The following DLGAP4 variants were observed in gnomAD, a reference collection of about 807,000 sequenced individuals.
DLGAP4 encodes DLG associated protein 4.
In DLGAP4, 18 loss-of-function variants were observed where a neutral mutation model predicts 86.9. The observed-to-expected ratio is 0.21, with a 90% CI of 0.14 to 0.31. The LOEUF (loss-of-function observed/expected upper bound fraction) is 0.31, where lower values mean the gene tolerates loss of function less well. Ranked by LOEUF, DLGAP4 falls within the 10% of genes least tolerant of loss-of-function variation. DLGAP4 has a pLI of 1.00. For synonymous variants in DLGAP4, 548 were observed against 574.3 expected (o/e 0.95, Z 0.65); for missense variants, 1,085 against 1,362.6 (o/e 0.80, Z 3.21).
At chr20:36,324,324 G>C (rs1449768997) in intron 1 of DLGAP4, among the ~76,000 whole-genome samples, 3 of 152,106 alleles carry the variant, frequency 2.0e-5, no homozygotes, top group Non-Finnish European at 4.4e-5. Flanking sequence ...CTACTAGGGA[G>C]GCAGAGGCAG....
chr20:36,330,557 GA>G (rs1600403714), intron 1 of DLGAP4, among the ~76,000 whole-genome samples: 2 of 115,240 alleles, frequency 1.7e-5, no homozygotes, highest in Non-Finnish European at 1.6e-5. Flanking sequence ...TGACTTTTGG[GA>G]TTTTTTTTTT....
At chr20:36,481,870 T>C (rs566346995) in intron 7 of DLGAP4, among the ~76,000 whole-genome samples, 1 of 152,326 alleles carries the variant, frequency 6.6e-6, no homozygotes, top group Admixed American at 6.5e-5. Context: ...CAGTGCATCC[T>C]CAGTGTCTGT....
chr20:36,458,102 AG>A (rs2033927589), intron 7 of DLGAP4, among the ~76,000 whole-genome samples: 1 of 150,634 alleles, frequency 6.6e-6, no homozygotes, highest in Admixed American at 6.6e-5. Flanking sequence ...CAGGGAGGGG[AG>A]GGTTGGGTCT....
chr20:36,520,510 C>A (rs754346811), intron 10 of DLGAP4, among the ~76,000 whole-genome samples: 6 of 152,004 alleles, frequency 3.9e-5, no homozygotes, highest in Non-Finnish European at 7.4e-5. Flanking sequence ...ACCAGCCTAG[C>A]TAATTTTTGT....
In DLGAP4 at chr20:36,308,959, C is replaced by A. The variant is rs1191839878; in HGVS notation, c.-304+2447C>A. On this transcript the variant is annotated intron_variant, in intron 1 of 12. Coordinates refer to ENST00000339266, the MANE Select transcript of DLGAP4 (RefSeq NM_001365621.2). The surrounding 1 kb of genome is among the most constrained non-coding windows in gnomAD (Gnocchi z 4.5). ...TCCCAGGATGAAACCCAACCTCCCC[C>A]TCCCCCAACTAGCTACTTTCTAGCC... 1.3e-5 allele frequency among the ~76,000 whole-genome samples: 2 copies of A among 151,982 alleles called. No individual in the cohort carries two copies. The highest frequency in any genetic ancestry group is 4.8e-5 in the African/African-American group (2 of 41,352).
chr20:36,399,384 A>G (rs2032091021), intron 2 of DLGAP4, among the ~76,000 whole-genome samples: 1 of 152,210 alleles, frequency 6.6e-6, no homozygotes, highest in Non-Finnish European at 1.5e-5. Flanking sequence ...AATGAGACCC[A>G]TGCCCTTGCT....
rs551103906 is a variant in DLGAP4, at chr20:36,490,707, T to G, written c.1649-5998T>G. 6.2e-4 allele frequency among the ~76,000 whole-genome samples: 95 copies of G among 152,136 alleles called. 2 individuals carry two copies. In the South Asian group the frequency reaches 0.02, roughly 32 times the overall value. On this transcript the variant is annotated intron_variant, in intron 7 of 12. Coordinates refer to ENST00000339266, the MANE Select transcript of DLGAP4 (RefSeq NM_001365621.2). ...TGTAGACCGCCTCTCCTTTGCCCCC[T>G]CAGGCACCTGGGAGCCAGCAGGCAT...
chr20:36,423,500 C>G (rs570055682), intron 2 of DLGAP4, among the ~76,000 whole-genome samples: 22 of 125,746 alleles, frequency 1.7e-4, no homozygotes, highest in Admixed American at 1.7e-3. Flanking sequence ...TATTTGAATA[C>G]AGGTCCAACT....
At chr20:36,462,720 C>A in intron 7 of DLGAP4, 1 of 1,338,296 alleles carries the variant, frequency 7.5e-7, no homozygotes, top group Non-Finnish European at 9.9e-7. Flanking sequence ...CTGAGGCCTC[C>A]CACAAAGGGG....
At position 36,500,595 on chromosome 20, in the gene DLGAP4, C is replaced by G. The variant is rs2036101948; in HGVS notation, c.2496C>G (p.Asn832Lys). 1 of 1,500,822 alleles carries G rather than the reference C, an allele frequency of 6.7e-7. No individual in the cohort carries two copies. The highest frequency in any genetic ancestry group is 8.9e-7 in the Non-Finnish European group (1 of 1,125,094). The allele number at this position is 1,500,822 out of a possible 1,614,324, so 93.0% of individuals were successfully genotyped here. Residue 832 changes from asparagine to lysine, a missense_variant, in exon 10 of 13, where the codon AAC becomes AAG. This residue lies in a region of DLGAP4 where 1,082 missense variants were observed against 1,344.1 expected (regional missense o/e 0.81). Coordinates refer to ENST00000339266, the MANE Select transcript of DLGAP4 (RefSeq NM_001365621.2). This position sits in a 1 kb window ranked among gnomAD's most constrained non-coding sequence, Gnocchi z 4.6. Reference sequence around the variant, plus strand: ...AGATGGACAAGGAGACCAAAGAGAACAACCTCTCTGAAGAAGGTGGGTGCC... The same window carrying G: ...AGATGGACAAGGAGACCAAAGAGAAGAACCTCTCTGAAGAAGGTGGGTGCC... ...CCQMDKETKE[N>K]NLSEEVLGKV...
chr20:36,466,946 G>GTCTCTC (rs1187637533), intron 7 of DLGAP4, among the ~76,000 whole-genome samples: 13 of 95,028 alleles, frequency 1.4e-4, no homozygotes, highest in East Asian at 1.4e-3. Context: ...CTCTCTCTCT[G>GTCTCTC]TCTCTCTCTC....
At chr20:36,485,806 T>C (rs1400958929) in intron 7 of DLGAP4, among the ~76,000 whole-genome samples, 1 of 152,242 alleles carries the variant, frequency 6.6e-6, no homozygotes, top group African/African-American at 2.4e-5. Context: ...ATGCTACACC[T>C]TGCCTGGAAA....
intron 7 of DLGAP4, among the ~76,000 whole-genome samples, chr20:36,477,428 G>A (rs577668992): frequency 2.0e-5 from 3 of 152,208 alleles, no homozygotes; most frequent in Non-Finnish European, 2.9e-5. Flanking sequence ...GCACATCTAA[G>A]CTTATGTGTG....
intron 2 of DLGAP4, among the ~76,000 whole-genome samples, chr20:36,379,316 G>A (rs909030877): frequency 4.6e-5 from 7 of 152,236 alleles, no homozygotes; most frequent in Non-Finnish European, 8.8e-5. Context: ...TCTGGTGGTG[G>A]GTGCGGGATC....
chr20:36,377,915 G>C (rs2031221307), intron 2 of DLGAP4, among the ~76,000 whole-genome samples: 1 of 152,232 alleles, frequency 6.6e-6, no homozygotes, highest in Non-Finnish European at 1.5e-5. Flanking sequence ...AAAATCTTCA[G>C]CCTTACTGAG....
intron 2 of DLGAP4, among the ~76,000 whole-genome samples, chr20:36,378,144 C>A (rs1167163896): frequency 6.6e-6 from 1 of 152,204 alleles, no homozygotes; most frequent in Non-Finnish European, 1.5e-5. Flanking sequence ...TACGCCAAGA[C>A]ACCTGGGTGT....
At chr20:36,387,010 C>G (rs559608649) in intron 2 of DLGAP4, among the ~76,000 whole-genome samples, 1 of 152,136 alleles carries the variant, frequency 6.6e-6, no homozygotes, top group Non-Finnish European at 1.5e-5. Context: ...GTGGATATTT[C>G]AGTGGTTCTG....
At chr20:36,488,033 C>T (rs1347388847) in intron 7 of DLGAP4, among the ~76,000 whole-genome samples, 1 of 151,610 alleles carries the variant, frequency 6.6e-6, no homozygotes, top group Non-Finnish European at 1.5e-5. Context: ...AACCCCGTCT[C>T]TACTAAAAAT....
chr20:36,450,554 T>C (rs964186157), intron 7 of DLGAP4, among the ~76,000 whole-genome samples: 3 of 152,074 alleles, frequency 2.0e-5, no homozygotes, highest in Admixed American at 6.5e-5. Context: ...CTGTCTTGGC[T>C]GTATTTACTC....
Sources: allele counts gnomAD v4.1 joint callset (sites outside exome capture counted in the v4.1 genomes callset), GRCh38; gene constraint gnomAD v4.1.1; regional missense constraint gnomAD v4.1.1; non-coding constraint Gnocchi (gnomAD v3.1); transcripts MANE v1.5; gene names NCBI Gene and HGNC (gene_info 2026-07-23, HGNC 2026-07-21).